Variants in PLA2G4E observed in about 807,000 individuals in gnomAD.
PLA2G4E encodes the protein cytosolic phospholipase A2 epsilon.
A neutral mutation model predicts 109.1 loss-of-function variants in PLA2G4E; 84 were observed. The ratio of observed to expected loss-of-function variants is 0.77; its 90% CI spans 0.65 to 0.92. PLA2G4E has a LOEUF of 0.92. Among genes scored for constraint, PLA2G4E ranks in the 40% least tolerant of loss-of-function variants. PLA2G4E has a pLI of 0.00. For missense variants in PLA2G4E, 1,057 were observed against 1,076.6 expected (o/e 0.98, Z 0.25); for synonymous variants, 469 against 436.1 (o/e 1.08, Z -0.94).
chr15:42,010,133 C>T (rs770151738), intron 2 of PLA2G4E: 1 of 435,496 alleles, frequency 2.3e-6, no homozygotes, highest in Non-Finnish European at 4.5e-6. Context: ...AGAACACTGG[C>T]CCCCCCACCC....
intron 15 of PLA2G4E, among the ~76,000 whole-genome samples, chr15:41,988,518 A>G (rs2068188120): frequency 6.6e-6 from 1 of 152,228 alleles, no homozygotes; most frequent in African/African-American, 2.4e-5. Context: ...GCGAGCACTC[A>G]ATAAATGCAA....
exon 18 of PLA2G4E, chr15:41,985,848 G>A (rs751010290): frequency 1.9e-6 from 3 of 1,610,434 alleles, no homozygotes; most frequent in Non-Finnish European, 2.5e-6. Flanking sequence ...CCTTTGTCTG[G>A]GACCCAGCAC....
chr15:42,036,175 C>T (rs915609901), intron 1 of PLA2G4E, among the ~76,000 whole-genome samples: 6 of 152,208 alleles, frequency 3.9e-5, no homozygotes, highest in African/African-American at 7.2e-5. Context: ...CTGCCATCAC[C>T]GGCCGCAGCA....
At chr15:42,017,889 T>A (rs2068611497) in intron 1 of PLA2G4E, among the ~76,000 whole-genome samples, 1 of 152,312 alleles carries the variant, frequency 6.6e-6, no homozygotes, top group South Asian at 2.1e-4. Context: ...AAGTTCCCAT[T>A]TTCCAGTAGC....
chr15:42,030,348 CTGGAGCAAG>C (rs1018663736), intron 1 of PLA2G4E, among the ~76,000 whole-genome samples: 1 of 152,176 alleles, frequency 6.6e-6, no homozygotes, highest in African/African-American at 2.4e-5. Context: ...CATGGGGCTC[CTGGAGCAAG>C]TGGTAGCCTG....
intron 13 of PLA2G4E, 75 bp from the exon 14 acceptor site, chr15:41,990,310 A>T: frequency 4.5e-6 from 6 of 1,320,872 alleles, no homozygotes; most frequent in Non-Finnish European, 6.4e-6. Context: ...TGAGAAGACA[A>T]TCTGGACCCC....
rs779123327 is a variant in PLA2G4E, at chr15:41,995,521, T to C, written c.1111-25A>G. 3.1e-6 allele frequency: 5 copies of C among 1,608,588 alleles called. No individual in the cohort carries two copies. The highest frequency in any genetic ancestry group is 4.3e-6 in the Non-Finnish European group (5 of 1,175,828). ...CCTGGGGTTACACAGAGGCAGGCGG[T>C]TGGGGAAGGCTCCAGAAGCAAAGCT... On this transcript the variant is annotated intron_variant, in intron 11 of 19. Transcript: ENST00000399518.
Position 42,044,754 on chromosome 15 carries a change from T to C in PLA2G4E, c.183+5767A>G, listed in dbSNP as rs527403572. 1.6e-3 allele frequency among the ~76,000 whole-genome samples: 248 copies of C among 150,814 alleles called. 1 individual carries two copies. The highest frequency in any genetic ancestry group is 2.7e-3 in the Non-Finnish European group (182 of 67,764). ...ACATATGTAACAAACCTGCATGTTG[T>C]GCACATGTACCCTAAAACTTAAAGT... On this transcript the variant is annotated intron_variant, in intron 1 of 19. Transcript: ENST00000399518.
chr15:41,989,371 T>C, intron 15 of PLA2G4E, 44 bp downstream of exon 15: 4 of 1,611,626 alleles, frequency 2.5e-6, no homozygotes, highest in Non-Finnish European at 3.4e-6. Flanking sequence ...GGCCCAGCAC[T>C]GGGCAGCAGC....
intron 1 of PLA2G4E, among the ~76,000 whole-genome samples, chr15:42,023,380 C>T (rs1180052298): frequency 6.6e-6 from 1 of 150,724 alleles, no homozygotes; most frequent in African/African-American, 2.4e-5. Context: ...CCCTAAAAGG[C>T]CATACTTTAT....
At chr15:42,016,497 C>A (rs114227795) in intron 1 of PLA2G4E, among the ~76,000 whole-genome samples, 2,676 of 152,010 alleles carry the variant, frequency 0.018, 94 homozygotes, top group African/African-American at 0.062. Context: ...CGACCACGCC[C>A]GGCTAATTTT....
In PLA2G4E at chr15:42,019,025, A is replaced by G. The variant is rs148733115; in HGVS notation, c.184-5268T>C. On this transcript the variant is annotated intron_variant, in intron 1 of 19. Transcript: ENST00000399518. ...CCTTCCAACCACCGCCAAGGAAGGC[A>G]TCATTATCCCTGCTTTACAGAGGGG... Among the ~76,000 whole-genome samples the G allele has an allele frequency of 5.5e-3, 835 of 152,306 alleles. 4 individuals are homozygous for G. Among genetic ancestry groups the G allele is most frequent in the Non-Finnish European group, 8.0e-3 (547 of 68,026 alleles).
chr15:42,034,148 G>T (rs1889167122), intron 1 of PLA2G4E, among the ~76,000 whole-genome samples: 2 of 152,136 alleles, frequency 1.3e-5, no homozygotes, highest in African/African-American at 4.8e-5. Flanking sequence ...AAGACTAAAG[G>T]GTTTCCTGGG....
At position 41,989,354 on chromosome 15, in the gene PLA2G4E, C is replaced by T. The variant is rs1266503566; in HGVS notation, c.1723+61G>A. The T allele has an allele frequency of 1.9e-6, 3 of 1,602,310 alleles. No homozygotes were observed. The African/African-American group carries it at 4.0e-5, about 21-fold the overall frequency. On this transcript the variant is annotated intron_variant, in intron 15 of 19. Coordinates refer to ENST00000399518, the Ensembl canonical transcript of PLA2G4E. ...GAGTGTCACATAATCAGGGGCCAAC[C>T]CAGGGTGGCCCAGCACTGGGCAGCA...
intron 18 of PLA2G4E, among the ~76,000 whole-genome samples, chr15:41,985,078 T>C (rs542839163): frequency 6.6e-6 from 1 of 152,272 alleles, no homozygotes; most frequent in Admixed American, 6.5e-5. Flanking sequence ...CAGAACCCCC[T>C]CAGTTCTGCC....
exon 14 of PLA2G4E, chr15:41,990,208 G>A (rs1018524407): frequency 3.1e-6 from 5 of 1,613,778 alleles, no homozygotes; most frequent in Non-Finnish European, 3.4e-6. Flanking sequence ...AAAGCAGCAC[G>A]CTGATCTGAC....
At chr15:41,999,583 G>A (rs775393634) in intron 9 of PLA2G4E, 22 bp from the exon 10 acceptor site, 2 of 1,610,176 alleles carry the variant, frequency 1.2e-6, no homozygotes, top group Admixed American at 3.4e-5. Flanking sequence ...AAGATGAAAA[G>A]CTTGTCAGAG....
chr15:42,050,458 G>A lies in PLA2G4E; in HGVS notation c.183+63C>T, dbSNP rs139711122. ...GCAGCAATGCAGGTGATCTTATTCC[G>A]AGTCAGGAAAGTGAGGTTAAAATTT... On this transcript the variant is annotated intron_variant, in intron 1 of 19. Coordinates refer to ENST00000399518, the Ensembl canonical transcript of PLA2G4E. 89 of 1,481,638 alleles carry A rather than the reference G, an allele frequency of 6.0e-5. No homozygotes were observed. The African/African-American group carries it at 1.1e-3, about 18-fold the overall frequency. The allele number at this position is 1,481,638 out of a possible 1,614,324, so 91.8% of individuals were successfully genotyped here. A position where few individuals can be genotyped will look rare whatever the true frequency, so the allele number is the denominator to read the frequency against.
chr15:42,000,314 G>T (rs1240653658), intron 7 of PLA2G4E, 32 bp from the exon 8 acceptor site: 1 of 1,535,642 alleles, frequency 6.5e-7, no homozygotes, highest in Non-Finnish European at 8.8e-7. Context: ...TGAGACCCTG[G>T]GAGCCTCTCA....
Sources: allele counts gnomAD v4.1 joint callset (sites outside exome capture counted in the v4.1 genomes callset), GRCh38; gene constraint gnomAD v4.1.1; transcripts MANE v1.5; gene names NCBI Gene and HGNC (gene_info 2026-07-23, HGNC 2026-07-21).